Variants in MYH10 observed in about 807,000 individuals in gnomAD.
MYH10 encodes the protein myosin heavy chain 10.
MYH10 carries 55 observed loss-of-function variants against 257.8 expected under a neutral mutation model. The observed-to-expected ratio is 0.21, with a 90% CI of 0.17 to 0.27. The LOEUF (loss-of-function observed/expected upper bound fraction) is 0.27, where lower values mean the gene tolerates loss of function less well. Ranked by LOEUF, MYH10 falls within the 10% of genes least tolerant of loss-of-function variation. The pLI is 1.00. For missense variants in MYH10, 1,631 were observed against 2,500.6 expected, an observed-to-expected ratio of 0.65 and a Z score of 7.42; for synonymous variants, 854 against 921.7, an observed-to-expected ratio of 0.93 and a Z score of 1.33.
intron 19 of MYH10, among the ~76,000 whole-genome samples, chr17:8,519,221 T>C (rs2081570916): frequency 6.6e-6 from 1 of 152,234 alleles, no homozygotes; most frequent in Admixed American, 6.5e-5. Context: ...CATGGTGTTT[T>C]AGAAACCTTT....
chr17:8,577,625 G>A (rs568562804), intron 4 of MYH10, among the ~76,000 whole-genome samples: 6 of 152,222 alleles, frequency 3.9e-5, no homozygotes, highest in African/African-American at 1.2e-4. Flanking sequence ...TCTGTCTCCC[G>A]GCTTCAAGGA....
chr17:8,491,343 G>A (rs112053861), intron 34 of MYH10, among the ~76,000 whole-genome samples: 1 of 152,230 alleles, frequency 6.6e-6, no homozygotes, highest in Non-Finnish European at 1.5e-5. Context: ...GAAATCAACT[G>A]TAGAGTTCTC....
At position 8,548,733 on chromosome 17, in the gene MYH10, A is replaced by T. The variant is rs773607281; in HGVS notation, c.974T>A (p.Ile325Asn). The change falls in exon 10 of 43, where the codon ATT becomes AAT. Residue 325 changes from isoleucine (I) to asparagine (N), a missense_variant. Around this residue, in one of 11 missense-constraint regions of MYH10, gnomAD observed 360 missense variants for 581.9 expected, o/e 0.62. Coordinates refer to ENST00000360416, the MANE Select transcript of MYH10 (RefSeq NM_001256012.3). ...NNYRFLSNGY[I>N]PIPGQQDKDN... The stretch of plus-strand genomic sequence containing the variant: ...TTTGTCTTGCTGTCCCGGAATAGGA[A>T]TATAGCCATTGGAGAGAAACCTGTA... The T allele has an allele frequency of 6.2e-7, 1 of 1,613,736 alleles. No individual in the cohort carries two copies. The highest frequency in any genetic ancestry group is 1.7e-5 in the Admixed American group (1 of 60,030).
intron 37 of MYH10, among the ~76,000 whole-genome samples, chr17:8,482,225 T>C (rs1913947895): frequency 6.6e-6 from 1 of 152,216 alleles, no homozygotes; most frequent in South Asian, 2.1e-4. Context: ...TCCTACTCCC[T>C]GTCCAGGGCT....
In MYH10 at chr17:8,493,010, C is replaced by T. The variant is rs765646223; in HGVS notation, c.4224G>A (p.Lys1408=). Residue 1408 remains lysine, a synonymous_variant, in exon 33 of 43, where the codon AAG becomes AAA. Coordinates refer to ENST00000360416, the MANE Select transcript of MYH10 (RefSeq NM_001256012.3). ...LALQSQLADT[K]KKVDDDLGTI... is the part of the protein sequence containing the mutation. The stretch of plus-strand genomic sequence containing the variant: ...TTCCCAGGTCGTCATCTACTTTCTT[C>T]TTGGTATCAGCCAACTAGGTTTTGT... 3.7e-6 allele frequency: 6 copies of T among 1,613,422 alleles called. No individual in the cohort carries two copies. In the Admixed American group the frequency reaches 8.4e-5, roughly 22 times the overall value.
chr17:8,579,814 G>T (rs4627422), intron 4 of MYH10, among the ~76,000 whole-genome samples: 1 of 152,208 alleles, frequency 6.6e-6, no homozygotes, highest in Non-Finnish European at 1.5e-5. Context: ...TCTTTTACAA[G>T]TTTGATAGCT....
rs528830956 is a variant in MYH10 at position 8,494,419 on chromosome 17, G to A, written c.4057-534C>T. Among the ~76,000 whole-genome samples, 67 of 152,216 alleles carry A rather than the reference G, an allele frequency of 4.4e-4. No individual in the cohort carries two copies. In the Middle Eastern group the frequency reaches 0.014, roughly 31 times the overall value. ...TTGGTTGTGTGGAGCAGAATTTCTG[G>A]GCCATGGCTTCGGCCTCCTCTAGTC... is the stretch of plus-strand genomic sequence containing the variant. On this transcript the variant is annotated intron_variant, in intron 31 of 42. Coordinates refer to ENST00000360416, the MANE Select transcript of MYH10 (RefSeq NM_001256012.3).
chr17:8,573,260 G>A (rs1380939396), intron 6 of MYH10, among the ~76,000 whole-genome samples: 2 of 152,184 alleles, frequency 1.3e-5, no homozygotes, highest in Admixed American at 6.5e-5. Flanking sequence ...AGCCCGCAAG[G>A]GGACTCAGGC....
intron 6 of MYH10, among the ~76,000 whole-genome samples, chr17:8,576,158 T>C (rs1478854425): frequency 1.3e-5 from 2 of 152,168 alleles, no homozygotes; most frequent in Non-Finnish European, 2.9e-5. Flanking sequence ...TTATTTTATA[T>C]ATTAAATATA....
At chr17:8,489,708 A>AAAACACACACACACACACACAC (rs1555570828) in intron 35 of MYH10, among the ~76,000 whole-genome samples, 1 of 93,084 alleles carries the variant, frequency 1.1e-5, no homozygotes, top group African/African-American at 3.7e-5. Flanking sequence ...CGTCTGAAAA[A>AAAACACACACACACACACACAC]ACACACACAC....
At chr17:8,590,049 T>C (rs1355625190) in intron 3 of MYH10, among the ~76,000 whole-genome samples, 4 of 152,230 alleles carry the variant, frequency 2.6e-5, no homozygotes, top group Non-Finnish European at 5.9e-5. Context: ...AGAAAGGAAC[T>C]GAGCTCACAA....
At chr17:8,542,398 C>T (rs2082313298) in intron 13 of MYH10, 118 bp from the exon 14 acceptor site, 2 of 831,510 alleles carry the variant, frequency 2.4e-6, no homozygotes, top group African/African-American at 1.7e-5. Flanking sequence ...GTAGGAAGTA[C>T]ATGATTGCTT....
intron 6 of MYH10, among the ~76,000 whole-genome samples, chr17:8,571,508 C>T (rs1392156793): frequency 8.5e-5 from 13 of 152,072 alleles, no homozygotes; most frequent in Admixed American, 8.5e-4. Context: ...AGGGGCCAGG[C>T]GCGGTGGCTT....
chr17:8,488,040 C>G (rs1011457812), intron 35 of MYH10, among the ~76,000 whole-genome samples: 8 of 152,080 alleles, frequency 5.3e-5, no homozygotes, highest in African/African-American at 1.7e-4. Flanking sequence ...GCAGGGGTGT[C>G]AGAACCAGGC....
At chr17:8,508,782 A>C in intron 25 of MYH10, 105 bp from the exon 26 acceptor site, 1 of 1,344,564 alleles carries the variant, frequency 7.4e-7, no homozygotes, top group Non-Finnish European at 1.0e-6. Flanking sequence ...AATAAGTTCT[A>C]TCGGCACTGC....
At chr17:8,509,035 G>A (rs1019970946) in intron 25 of MYH10, among the ~76,000 whole-genome samples, 2 of 152,118 alleles carry the variant, frequency 1.3e-5, no homozygotes, top group Non-Finnish European at 2.9e-5. Context: ...TTCACTCAGC[G>A]CTCACTCACT....
chr17:8,530,031 G>A (rs2081966137), intron 17 of MYH10, among the ~76,000 whole-genome samples: 1 of 152,250 alleles, frequency 6.6e-6, no homozygotes, highest in South Asian at 2.1e-4. Context: ...CACATATCAG[G>A]CCTTGTAGAT....
At chr17:8,543,726 C>T (rs1222987112) in intron 13 of MYH10, among the ~76,000 whole-genome samples, 2 of 152,184 alleles carry the variant, frequency 1.3e-5, no homozygotes, top group South Asian at 2.1e-4. Context: ...CCTGCCTCGG[C>T]CTCCCAAAGT....
chr17:8,530,010 G>T (rs1051394012), intron 17 of MYH10, among the ~76,000 whole-genome samples: 1 of 152,032 alleles, frequency 6.6e-6, no homozygotes, highest in Non-Finnish European at 1.5e-5. Flanking sequence ...CTCTATTTTA[G>T]TCTCAACTTG....
Sources: allele counts gnomAD v4.1 joint callset (sites outside exome capture counted in the v4.1 genomes callset), GRCh38; gene constraint gnomAD v4.1.1; regional missense constraint gnomAD v4.1.1; transcripts MANE v1.5; gene names NCBI Gene and HGNC (gene_info 2026-07-23, HGNC 2026-07-21).